Variants in URGCP observed in about 807,000 individuals in gnomAD.
The protein encoded by URGCP is up-regulator of cell proliferation.
A neutral mutation model predicts 24.6 loss-of-function variants in URGCP; 13 were observed. The observed-to-expected ratio is 0.53, with a 90% CI of 0.34 to 0.84. URGCP has a LOEUF of 0.84. URGCP is among the 40% of genes least tolerant of loss of function. The probability of loss-of-function intolerance (pLI) is 0.01; values close to 1 mark genes in which losing one functional copy is unlikely to be tolerated. For missense variants in URGCP, 899 were observed against 1,194.3 expected (o/e 0.75, Z 3.64); for synonymous variants, 444 against 487.2 (o/e 0.91, Z 1.17).
At chr7:43,906,464 C>T in intron 1 of URGCP, 98 bp downstream of exon 1, 2 of 1,080,770 alleles carry the variant, frequency 1.9e-6, no homozygotes, top group Non-Finnish European at 2.2e-6. Flanking sequence ...GTCCGGGCCG[C>T]ATCCCAGACC....
chr7:43,902,069 G>A (rs1186726371), intron 1 of URGCP, among the ~76,000 whole-genome samples: 4 of 150,736 alleles, frequency 2.7e-5, no homozygotes, highest in African/African-American at 9.7e-5. Context: ...CAGGCGAGAG[G>A]AAAGAAAAGG....
At chr7:43,887,719 AC>A in intron 2 of URGCP, 70 bp downstream of exon 2, 1 of 1,532,090 alleles carries the variant, frequency 6.5e-7, no homozygotes, top group Non-Finnish European at 8.8e-7. Flanking sequence ...GGTCTAGAAA[AC>A]CAGCACTCTC....
intron 1 of URGCP, among the ~76,000 whole-genome samples, chr7:43,895,256 G>C (rs528588353): frequency 2.0e-4 from 30 of 151,998 alleles, no homozygotes; most frequent in African/African-American, 6.8e-4. Flanking sequence ...GATCAAACAG[G>C]CATCTCTCAA....
intron 1 of URGCP, among the ~76,000 whole-genome samples, chr7:43,902,539 A>G (rs2095893262): frequency 6.6e-6 from 1 of 152,200 alleles, no homozygotes; most frequent in South Asian, 2.1e-4. Context: ...ATGGAGATCA[A>G]CTTACTCACT....
intron 1 of URGCP, among the ~76,000 whole-genome samples, chr7:43,900,182 G>A (rs938712854): frequency 1.3e-5 from 2 of 151,326 alleles, no homozygotes; most frequent in African/African-American, 2.4e-5. Flanking sequence ...AGCCGGGCGC[G>A]GTGGCTCATG....
chr7:43,895,283 C>G (rs930753069), intron 1 of URGCP, among the ~76,000 whole-genome samples: 1 of 151,814 alleles, frequency 6.6e-6, no homozygotes, highest in African/African-American at 2.4e-5. Flanking sequence ...TATATATGGC[C>G]AAGAAATAAA....
In URGCP at chr7:43,919,905, G is replaced by A. The variant is rs528854502; in HGVS notation, c.-116+6227C>T. ...ATATGACAAGCTGCGGAAGTGGGAG[G>A]CCTTCCTGGAGCCGTTCCGCAAGGA... On this transcript the variant is annotated intron_variant, in intron 1 of 5. Transcript: ENST00000426198. The A allele has an allele frequency of 7.6e-6, 10 of 1,308,148 alleles. No homozygotes were observed. In the African/African-American group the frequency reaches 1.2e-4, roughly 15 times the overall value. The allele number at this position is 1,308,148 out of a possible 1,614,324, so 81.0% of individuals were successfully genotyped here.
Position 43,887,890 on chromosome 7 carries a change from C to A in URGCP, c.15-74G>T, listed in dbSNP as rs1585801472. 12 of 941,388 alleles carry A rather than the reference C, an allele frequency of 1.3e-5. No homozygotes were observed. The South Asian group carries it at 2.0e-4, about 15-fold the overall frequency. The allele number at this position is 941,388 out of a possible 1,614,324, so 58.3% of individuals were successfully genotyped here. A position where few individuals can be genotyped will look rare whatever the true frequency, so the allele number is the denominator to read the frequency against. On this transcript the variant is annotated intron_variant, in intron 1 of 5. Transcript: ENST00000453200. ...ATATATAATAGCGAAAAACTGATGC[C>A]TTTTAAAATCAAAGTGCAATAACGG...
chr7:43,883,283 G>C (rs2095856655), intron 3 of URGCP, among the ~76,000 whole-genome samples: 1 of 132,776 alleles, frequency 7.5e-6, no homozygotes, highest in South Asian at 2.3e-4. Flanking sequence ...TTTGATCCAA[G>C]AAAAAGTAAC....
chr7:43,919,608 A>T (rs2095919794), intron 1 of URGCP: 5 of 1,410,682 alleles, frequency 3.5e-6, no homozygotes, highest in Non-Finnish European at 5.0e-6. Context: ...CAAGAACGTG[A>T]TGGTATCCAC....
At chr7:43,887,766 A>C in intron 2 of URGCP, 24 bp downstream of exon 2, 1 of 1,549,092 alleles carries the variant, frequency 6.5e-7, no homozygotes, top group Admixed American at 2.0e-5. Flanking sequence ...ACAGTCATTC[A>C]GAAAGACAGA....
At chr7:43,884,338 C>T (rs1207627401) in intron 3 of URGCP, among the ~76,000 whole-genome samples, 4 of 152,144 alleles carry the variant, frequency 2.6e-5, no homozygotes, top group Non-Finnish European at 4.4e-5. Flanking sequence ...ACTGAGGGCT[C>T]AGCTCCATGA....
chr7:43,879,215 T>C lies in URGCP; in HGVS notation c.248A>G (p.Glu83Gly). 1 of 1,613,114 alleles carries C rather than the reference T, an allele frequency of 6.2e-7. No individual in the cohort carries two copies. Among genetic ancestry groups the C allele is most frequent in the East Asian group, 2.2e-5 (1 of 44,874 alleles). ...GCTGAGTTTCTGGACCTGGTACGTC[T>C]CTAGGCCCAAAAGTGACAGCATTTC... ...LQEMLSLLGL[E>G]TYQVQKLSLQ... is the part of the protein sequence containing the mutation. The change falls in exon 6 of 6, where the codon GAG becomes GGG. Residue 83 changes from glutamate to glycine, a missense_variant. Physicochemically the swap from Glu to Gly is moderately conservative, Grantham distance 98. Transcript: ENST00000453200.
upstream of URGCP, among the ~76,000 whole-genome samples, chr7:43,911,548 T>G (rs1262065136): frequency 6.6e-6 from 1 of 152,038 alleles, no homozygotes; most frequent in Non-Finnish European, 1.5e-5. Context: ...ATACAAAAAA[T>G]TAGCCAGGCG....
intron 1 of URGCP, among the ~76,000 whole-genome samples, chr7:43,922,888 T>C (rs537932568): frequency 4.6e-5 from 7 of 152,106 alleles, no homozygotes; most frequent in African/African-American, 1.7e-4. Context: ...GCATTTTTTT[T>C]TCTTTCTCTT....
intron 1 of URGCP, among the ~76,000 whole-genome samples, chr7:43,901,391 C>T (rs1222521777): frequency 6.6e-6 from 1 of 152,180 alleles, no homozygotes. Context: ...CCTAAAGAAC[C>T]AGGGACACTT....
At chr7:43,909,464 T>C (rs11769201), upstream of URGCP, among the ~76,000 whole-genome samples, 3 of 152,138 alleles carry the variant, frequency 2.0e-5, no homozygotes, top group Non-Finnish European at 4.4e-5. Flanking sequence ...CGGTGGCTCA[T>C]GCCTGTAATC....
At chr7:43,889,654 TCTC>T (rs1321888958) in intron 1 of URGCP, 3 of 152,228 alleles carry the variant, frequency 2.0e-5, no homozygotes, top group African/African-American at 7.2e-5. Context: ...TAATCTGTCC[TCTC>T]CTCCTCTTAA....
At chr7:43,919,565 G>T (rs1464531651) in intron 1 of URGCP, 1 of 1,415,470 alleles carries the variant, frequency 7.1e-7, no homozygotes, top group African/African-American at 1.4e-5. Flanking sequence ...GGAAGACCAT[G>T]GTCCTGGATG....
Sources: gnomAD v4.1 joint callset for allele counts (sites outside exome capture counted in the v4.1 genomes callset) on GRCh38, gnomAD v4.1.1 for gene constraint, MANE v1.5 for transcripts, NCBI Gene and HGNC (gene_info 2026-07-23, HGNC 2026-07-21) for gene names.